Variants in AMPH observed in about 807,000 individuals in gnomAD.
AMPH encodes the protein amphiphysin.
In AMPH, 49 loss-of-function variants were observed where a neutral mutation model predicts 99.1. The ratio of observed to expected loss-of-function variants is 0.49; its 90% CI spans 0.39 to 0.63. AMPH has a LOEUF of 0.63. Among genes scored for constraint, AMPH ranks in the 20% least tolerant of loss-of-function variants. AMPH has a pLI of 0.00. For missense variants in AMPH, 759 were observed against 863.4 expected (o/e 0.88, Z 1.52); for synonymous variants, 314 against 317.3 (o/e 0.99, Z 0.11).
rs75919408 is a variant in AMPH, at chr7:38,400,004, C to A, written c.1399-5790G>T. 3.8e-4 allele frequency among the ~76,000 whole-genome samples: 58 copies of A among 152,326 alleles called. No homozygotes were observed. The East Asian group carries it at 0.01, about 27-fold the overall frequency. ...GTCCATCACACAGAAATCACAGCGA[C>A]CAGCACAAAACCTTCTGGAGAGAGT... On this transcript the variant is annotated intron_variant, in intron 17 of 20. Coordinates refer to ENST00000356264, the MANE Select transcript of AMPH (RefSeq NM_001635.4).
intron 1 of AMPH, among the ~76,000 whole-genome samples, chr7:38,555,580 A>G (rs985357573): frequency 1.3e-5 from 2 of 152,192 alleles, no homozygotes; most frequent in Non-Finnish European, 2.9e-5. Flanking sequence ...GTTCTAAGGA[A>G]TATTATAATA....
intron 1 of AMPH, among the ~76,000 whole-genome samples, chr7:38,535,591 A>G (rs570803651): frequency 6.6e-6 from 1 of 152,194 alleles, no homozygotes; most frequent in Non-Finnish European, 1.5e-5. Flanking sequence ...ACATTGTAAT[A>G]TATCATGAAA....
chr7:38,486,767 T>C (rs996443935), intron 5 of AMPH, among the ~76,000 whole-genome samples: 3 of 151,972 alleles, frequency 2.0e-5, no homozygotes, highest in African/African-American at 7.2e-5. Context: ...GCAAGAATGG[T>C]TTAACATATG....
At chr7:38,427,007 G>A in intron 14 of AMPH, 21 bp from the exon 15 acceptor site, 1 of 1,607,308 alleles carries the variant, frequency 6.2e-7, no homozygotes, top group Non-Finnish European at 8.5e-7. Flanking sequence ...ACGAAAATCA[G>A]ATTGTGTTAT....
intron 11 of AMPH, among the ~76,000 whole-genome samples, chr7:38,460,804 G>GA (rs1787408842): frequency 1.3e-5 from 2 of 152,276 alleles, no homozygotes; most frequent in East Asian, 3.9e-4. Flanking sequence ...AGATTAGGGT[G>GA]ACTGTAGTCA....
intron 1 of AMPH, among the ~76,000 whole-genome samples, chr7:38,614,895 T>G (rs931206549): frequency 3.9e-4 from 60 of 152,172 alleles, no homozygotes; most frequent in African/African-American, 1.2e-3. Flanking sequence ...TCCAGTATAT[T>G]AAAGAAAACC....
At chr7:38,497,088 A>G (rs1298958863) in intron 3 of AMPH, among the ~76,000 whole-genome samples, 1 of 152,178 alleles carries the variant, frequency 6.6e-6, no homozygotes. Context: ...CCATTTTGAC[A>G]TGGAAATTGT....
chr7:38,461,029 T>A (rs935992562), intron 11 of AMPH, among the ~76,000 whole-genome samples: 1 of 152,188 alleles, frequency 6.6e-6, no homozygotes. Context: ...AAATTATTCA[T>A]TTTACACTTT....
intron 1 of AMPH, among the ~76,000 whole-genome samples, chr7:38,571,504 C>A (rs1177528757): frequency 4.0e-5 from 5 of 125,860 alleles, no homozygotes; most frequent in Admixed American, 1.8e-4. Context: ...TAAATATATT[C>A]TATAAAATAT....
intron 13 of AMPH, 69 bp from the exon 14 acceptor site, chr7:38,429,934 GCTGTCTAGAGTCAACATT>G: frequency 2.8e-6 from 4 of 1,423,590 alleles, no homozygotes; most frequent in Non-Finnish European, 2.9e-6. Context: ...AAAATCCTAT[GCTGTCTAGAGTCAACATT>G]CTGCTGAAGG....
intron 7 of AMPH, among the ~76,000 whole-genome samples, chr7:38,469,531 C>T (rs1399253825): frequency 6.6e-6 from 1 of 152,146 alleles, no homozygotes; most frequent in Admixed American, 6.5e-5. Flanking sequence ...CCTTGCTGTC[C>T]TTCACTTACT....
chr7:38,397,829 A>T (rs1256451875), intron 17 of AMPH, among the ~76,000 whole-genome samples: 1 of 152,188 alleles, frequency 6.6e-6, no homozygotes, highest in African/African-American at 2.4e-5. Flanking sequence ...TAATAATTCC[A>T]ATTAAAAAAT....
At chr7:38,576,798 G>A (rs1032973860) in intron 1 of AMPH, among the ~76,000 whole-genome samples, 1 of 152,092 alleles carries the variant, frequency 6.6e-6, no homozygotes, top group Non-Finnish European at 1.5e-5. Flanking sequence ...TGGTTACAAA[G>A]CTGGACTTAC....
intron 14 of AMPH, chr7:38,429,223 A>G (rs1030543643): frequency 3.0e-5 from 39 of 1,288,500 alleles, no homozygotes; most frequent in Non-Finnish European, 3.7e-5. Context: ...ATCTCCACAC[A>G]AGCAGCAATG....
chr7:38,572,353 T>C (rs1792079542), intron 1 of AMPH, among the ~76,000 whole-genome samples: 1 of 152,220 alleles, frequency 6.6e-6, no homozygotes, highest in Non-Finnish European at 1.5e-5. Context: ...AGCAACAGGC[T>C]ATGCTATACA....
chr7:38,466,346 C>G, intron 7 of AMPH, 98 bp from the exon 8 acceptor site: 1 of 934,134 alleles, frequency 1.1e-6, no homozygotes, highest in Non-Finnish European at 1.6e-6. Context: ...ACCCAGGTTT[C>G]TTTTACACCA....
intron 1 of AMPH, among the ~76,000 whole-genome samples, chr7:38,630,048 G>A (rs532433778): frequency 1.3e-5 from 2 of 152,296 alleles, no homozygotes; most frequent in South Asian, 2.1e-4. Flanking sequence ...ATGGTCAGCC[G>A]GAACTGGGAG....
intron 11 of AMPH, among the ~76,000 whole-genome samples, chr7:38,440,361 A>T (rs4433039): frequency 0.022 from 3,337 of 152,310 alleles, 66 homozygotes; most frequent in Non-Finnish European, 0.03. Context: ...AGATTTTCAG[A>T]CAAACAAAAT....
chr7:38,419,721 T>G (rs183972756), intron 16 of AMPH, among the ~76,000 whole-genome samples: 2 of 152,288 alleles, frequency 1.3e-5, no homozygotes, highest in Admixed American at 6.5e-5. Context: ...AAAAGGGTAA[T>G]TTGAGAAAAC....
Sources: gnomAD v4.1 joint callset for allele counts (sites outside exome capture counted in the v4.1 genomes callset) on GRCh38, gnomAD v4.1.1 for gene constraint, MANE v1.5 for transcripts, NCBI Gene and HGNC (gene_info 2026-07-23, HGNC 2026-07-21) for gene names.